The following GNG4 variants were observed in gnomAD, a reference collection of about 807,000 sequenced individuals.
GNG4 encodes G protein subunit gamma 4.
GNG4 carries 4 observed loss-of-function variants against 5.8 expected under a neutral mutation model. That is an observed-to-expected ratio of 0.69 (90% CI 0.34 to 1.57). The LOEUF (loss-of-function observed/expected upper bound fraction) is 1.57, where lower values mean the gene tolerates loss of function less well. GNG4 is among the 40% of genes most tolerant of loss of function. The pLI is 0.06. For missense variants in GNG4, 96 were observed against 95.1 expected, an observed-to-expected ratio of 1.01 and a Z score of -0.04; for synonymous variants, 29 against 32.9, an observed-to-expected ratio of 0.88 and a Z score of 0.41.
At chr1:235,567,126 G>A (rs1162571162) in intron 3 of GNG4, among the ~76,000 whole-genome samples, 2 of 151,748 alleles carry the variant, frequency 1.3e-5, no homozygotes, top group Non-Finnish European at 2.9e-5. Context: ...TAGAGATGTG[G>A]TCTCGCTATG....
At chr1:235,563,093 G>C (rs1687108512) in intron 3 of GNG4, among the ~76,000 whole-genome samples, 1 of 151,808 alleles carries the variant, frequency 6.6e-6, no homozygotes, top group Admixed American at 6.6e-5. Flanking sequence ...GTTTTCTGTT[G>C]ATGTTCCATG....
intron 1 of GNG4, among the ~76,000 whole-genome samples, chr1:235,623,871 G>A (rs1417485942): frequency 6.6e-6 from 1 of 152,174 alleles, no homozygotes; most frequent in Non-Finnish European, 1.5e-5. Flanking sequence ...AAAGCTGAGG[G>A]AAGAATGATT....
At position 235,585,077 on chromosome 1, in the gene GNG4, C is replaced by A. The variant is rs866414784; in HGVS notation, c.-10-1229G>T. On this transcript the variant is annotated intron_variant, in intron 2 of 3. Transcript: ENST00000391854. Reference sequence around the variant, plus strand: ...GCAACCAATCACACTGGACTCCAGTCTATTCTTTCCTATGCTTCTTTTTTC... The same window carrying A: ...GCAACCAATCACACTGGACTCCAGTATATTCTTTCCTATGCTTCTTTTTTC... Among the ~76,000 whole-genome samples, 4 of 152,080 alleles carry A rather than the reference C, an allele frequency of 2.6e-5. 1 individual carries two copies. The highest frequency in any genetic ancestry group is 4.8e-5 in the African/African-American group (2 of 41,420).
chr1:235,587,648 A>AGTAT (rs1558486458), intron 2 of GNG4, among the ~76,000 whole-genome samples: 8 of 1,930 alleles, frequency 4.1e-3, no homozygotes, highest in African/African-American at 5.7e-3. Flanking sequence ...TGAGTGTGGG[A>AGTAT]GGGTGTTGGG....
chr1:235,577,184 CG>C (rs1218069636), intron 3 of GNG4, among the ~76,000 whole-genome samples: 1 of 152,122 alleles, frequency 6.6e-6, no homozygotes, highest in African/African-American at 2.4e-5. Context: ...CATGCCATCC[CG>C]GGGGCTCCCT....
intron 3 of GNG4, among the ~76,000 whole-genome samples, chr1:235,563,320 T>C (rs1324354150): frequency 1.4e-5 from 2 of 144,516 alleles, no homozygotes; most frequent in Non-Finnish European, 3.0e-5. Flanking sequence ...CTACTTGGGA[T>C]TGCTTGAACC....
intron 1 of GNG4, among the ~76,000 whole-genome samples, chr1:235,604,909 G>A (rs1385210675): frequency 1.3e-5 from 2 of 152,114 alleles, no homozygotes; most frequent in Non-Finnish European, 2.9e-5. Flanking sequence ...TCTGACAATT[G>A]TATGGCGTTT....
chr1:235,616,171 CCTGGCCAGCAGCCA>C (rs1240989769), intron 1 of GNG4: 1 of 518,784 alleles, frequency 1.9e-6, no homozygotes, highest in Non-Finnish European at 3.8e-6. Context: ...CCTTTGGCAT[CCTGGCCAGCAGCCA>C]CTTCTCTGCC....
intron 3 of GNG4, among the ~76,000 whole-genome samples, chr1:235,578,046 CT>C (rs374463266): frequency 6.6e-6 from 1 of 151,518 alleles, no homozygotes; most frequent in Non-Finnish European, 1.5e-5. Flanking sequence ...TGCACCTTTT[CT>C]TTTTTTTTCT....
chr1:235,601,267 A>C (rs1299870476), intron 1 of GNG4, among the ~76,000 whole-genome samples: 1 of 152,228 alleles, frequency 6.6e-6, no homozygotes, highest in Non-Finnish European at 1.5e-5. Flanking sequence ...AATTAATTAA[A>C]TCATCTAAAA....
intron 1 of GNG4, among the ~76,000 whole-genome samples, chr1:235,634,841 G>A (rs1689002175): frequency 6.6e-6 from 1 of 152,170 alleles, no homozygotes; most frequent in Non-Finnish European, 1.5e-5. Flanking sequence ...GGCTGAGGCA[G>A]AAGAATAGCT....
chr1:235,562,481 T>G (rs1687089826), intron 3 of GNG4, among the ~76,000 whole-genome samples: 1 of 151,748 alleles, frequency 6.6e-6, no homozygotes, highest in African/African-American at 2.4e-5. Flanking sequence ...ACCCCATCTC[T>G]ACTAAAAATA....
chr1:235,610,938 A>T (rs1688464041), intron 1 of GNG4, among the ~76,000 whole-genome samples: 1 of 152,030 alleles, frequency 6.6e-6, no homozygotes, highest in Admixed American at 6.6e-5. Flanking sequence ...AAATACAAAA[A>T]TTTGCCAGGC....
At chr1:235,565,758 A>G (rs975241424) in intron 3 of GNG4, 7 of 152,176 alleles carry the variant, frequency 4.6e-5, no homozygotes, top group African/African-American at 1.7e-4. Context: ...AGGTTTGCTT[A>G]GGTTTGACAG....
intron 1 of GNG4, among the ~76,000 whole-genome samples, chr1:235,624,633 A>C (rs976204437): frequency 6.6e-6 from 1 of 152,192 alleles, no homozygotes; most frequent in Non-Finnish European, 1.5e-5. Context: ...TTCCTGAAGA[A>C]TTAACTTTGT....
At chr1:235,608,559 C>T (rs530356639) in intron 1 of GNG4, among the ~76,000 whole-genome samples, 3 of 152,340 alleles carry the variant, frequency 2.0e-5, no homozygotes, top group East Asian at 1.9e-4. Context: ...TGGCAACCAA[C>T]AGTCTGCTTT....
chr1:235,626,701 G>C (rs1688818044), intron 1 of GNG4, among the ~76,000 whole-genome samples: 1 of 152,126 alleles, frequency 6.6e-6, no homozygotes, highest in African/African-American at 2.4e-5. Context: ...GCTGATGCTT[G>C]TGATCCCAGC....
At chr1:235,623,456 G>A (rs1219514155) in intron 1 of GNG4, among the ~76,000 whole-genome samples, 1 of 152,170 alleles carries the variant, frequency 6.6e-6, no homozygotes, top group Non-Finnish European at 1.5e-5. Context: ...GCTTCTGCCT[G>A]TCCTCCCCAA....
At chr1:235,638,794 T>G (rs943110181) in intron 1 of GNG4, among the ~76,000 whole-genome samples, 14 of 152,306 alleles carry the variant, frequency 9.2e-5, no homozygotes, top group Admixed American at 3.3e-4. Flanking sequence ...CTGAGAATGA[T>G]GGTTTCCAGC....
Sources: gnomAD v4.1 joint callset for allele counts (sites outside exome capture counted in the v4.1 genomes callset) on GRCh38, gnomAD v4.1.1 for gene constraint, MANE v1.5 for transcripts, NCBI Gene and HGNC (gene_info 2026-07-23, HGNC 2026-07-21) for gene names.